C8orf34: variants seen among roughly 807,000 people sequenced by gnomAD.
The protein encoded by C8orf34 is chromosome 8 open reading frame 34.
Under a neutral mutation model 68.3 loss-of-function variants are expected in C8orf34, and 65 were observed. The observed-to-expected ratio is 0.95, with a 90% CI of 0.78 to 1.17. C8orf34 has a LOEUF of 1.17. Ranked by LOEUF, C8orf34 falls within the 50% of genes most tolerant of loss-of-function variation. The pLI is 0.00. For synonymous variants in C8orf34, 244 were observed against 241.2 expected, an observed-to-expected ratio of 1.01 and a Z score of -0.11; for missense variants, 664 against 655.4, an observed-to-expected ratio of 1.01 and a Z score of -0.14.
chr8:68,714,325 G>A (rs979202682), intron 9 of C8orf34, among the ~76,000 whole-genome samples: 1 of 151,846 alleles, frequency 6.6e-6, no homozygotes, highest in African/African-American at 2.4e-5. Context: ...GGCATCCAGA[G>A]GAAGTCAAAC....
intron 12 of C8orf34, among the ~76,000 whole-genome samples, chr8:68,798,431 A>T (rs571146251): frequency 2.6e-5 from 4 of 151,944 alleles, no homozygotes; most frequent in African/African-American, 9.7e-5. Flanking sequence ...CATTTTCAAC[A>T]TATTATGAGC....
chr8:68,441,987 G>A (rs1810928303), intron 2 of C8orf34, among the ~76,000 whole-genome samples: 1 of 152,094 alleles, frequency 6.6e-6, no homozygotes, highest in African/African-American at 2.4e-5. Context: ...AAAGCTTTGG[G>A]GATGGGTCAA....
chr8:68,443,349 A>G (rs1053356945), intron 2 of C8orf34, among the ~76,000 whole-genome samples: 2 of 152,154 alleles, frequency 1.3e-5, no homozygotes, highest in Non-Finnish European at 2.9e-5. Context: ...AATAATGCCA[A>G]TTTAAACCCT....
At chr8:68,752,381 C>T (rs1344562391) in intron 10 of C8orf34, among the ~76,000 whole-genome samples, 2 of 152,180 alleles carry the variant, frequency 1.3e-5, no homozygotes, top group Non-Finnish European at 2.9e-5. Flanking sequence ...TCCCTTTGAC[C>T]TGGTTCTACT....
At chr8:68,330,884 C>T (rs557508106), upstream of C8orf34, 6 of 781,534 alleles carry the variant, frequency 7.7e-6, no homozygotes, top group South Asian at 4.7e-5. Context: ...CTCGACACAG[C>T]TCGCCTCCCG....
rs1293167664 is a variant in C8orf34 at position 68,461,793 on chromosome 8, A to G, written c.608-6899A>G. 3.9e-5 allele frequency among the ~76,000 whole-genome samples: 6 copies of G among 152,306 alleles called. No individual in the cohort carries two copies. The East Asian group carries it at 7.7e-4, about 20-fold the overall frequency. On this transcript the variant is annotated intron_variant, in intron 3 of 13. Transcript: ENST00000518698. ...CCCTACAAGAGCTCCTGAAGGAAGC[A>G]CTAAACATGGAAAGGAACAACCAGT...
At chr8:68,717,283 G>A (rs1261963260) in intron 9 of C8orf34, among the ~76,000 whole-genome samples, 2 of 152,100 alleles carry the variant, frequency 1.3e-5, no homozygotes, top group African/African-American at 4.8e-5. Flanking sequence ...TTAAAGACAG[G>A]AGTTGTCTCC....
At chr8:68,564,142 A>G (rs1020266488) in intron 7 of C8orf34, among the ~76,000 whole-genome samples, 1 of 152,240 alleles carries the variant, frequency 6.6e-6, no homozygotes, top group Non-Finnish European at 1.5e-5. Flanking sequence ...TGCTAACATG[A>G]TAAAAATGCC....
intron 1 of C8orf34, among the ~76,000 whole-genome samples, chr8:68,349,341 G>C (rs1002776548): frequency 6.6e-6 from 1 of 151,994 alleles, no homozygotes; most frequent in Non-Finnish European, 1.5e-5. Context: ...GATCATGGTG[G>C]ATTAGACTTT....
chr8:68,685,151 C>G (rs1820477411), intron 8 of C8orf34, among the ~76,000 whole-genome samples: 1 of 152,050 alleles, frequency 6.6e-6, no homozygotes, highest in African/African-American at 2.4e-5. Flanking sequence ...GTACTTAATG[C>G]TTGAACCTAT....
intron 12 of C8orf34, among the ~76,000 whole-genome samples, chr8:68,809,470 T>C (rs1434395599): frequency 6.7e-6 from 1 of 150,120 alleles, no homozygotes; most frequent in Non-Finnish European, 1.5e-5. Flanking sequence ...TCTTAGGTGC[T>C]CTCCCAAGCT....
At chr8:68,611,580 T>G (rs1434059141) in intron 7 of C8orf34, among the ~76,000 whole-genome samples, 1 of 152,160 alleles carries the variant, frequency 6.6e-6, no homozygotes, top group Non-Finnish European at 1.5e-5. Context: ...AACCACTCCT[T>G]GTAGTTGCTA....
At chr8:68,557,062 T>C (rs919147677) in intron 7 of C8orf34, among the ~76,000 whole-genome samples, 1 of 152,182 alleles carries the variant, frequency 6.6e-6, no homozygotes, top group African/African-American at 2.4e-5. Flanking sequence ...AGTGAAAATA[T>C]ATGTATTTTA....
intron 7 of C8orf34, among the ~76,000 whole-genome samples, chr8:68,583,988 A>G (rs1817137986): frequency 6.6e-6 from 1 of 152,136 alleles, no homozygotes; most frequent in South Asian, 2.1e-4. Flanking sequence ...TTATATCTAT[A>G]TATGTTATCT....
intron 8 of C8orf34, among the ~76,000 whole-genome samples, chr8:68,673,758 A>T (rs574580204): frequency 3.8e-4 from 58 of 152,230 alleles, no homozygotes; most frequent in African/African-American, 1.4e-3. Flanking sequence ...CCATCTGTTG[A>T]TTATAGAGCC....
At chr8:68,643,808 C>A (rs1819085923) in intron 8 of C8orf34, among the ~76,000 whole-genome samples, 1 of 152,072 alleles carries the variant, frequency 6.6e-6, no homozygotes. Flanking sequence ...AATTAGTTAC[C>A]AATTTCACAT....
At chr8:68,779,153 C>G (rs537531981) in intron 11 of C8orf34, among the ~76,000 whole-genome samples, 1 of 147,524 alleles carries the variant, frequency 6.8e-6, no homozygotes, top group African/African-American at 2.5e-5. Flanking sequence ...CTCCAGCCTG[C>G]GTGACAGTAT....
rs376713627 is a variant in C8orf34 at position 68,393,904 on chromosome 8, AG to A, written c.328-45591del. 2.1e-3 allele frequency among the ~76,000 whole-genome samples: 314 copies of A among 152,188 alleles called. 2 individuals carry two copies. The highest frequency in any genetic ancestry group is 1.2e-3 in the East Asian group (6 of 5,166). ...TGTTAGCAGGGCCTTACAGTAATCT[AG>A]GGGAGAGATGATGGTGGCTGAGACC... On this transcript the variant is annotated intron_variant, in intron 1 of 13. Transcript: ENST00000518698.
intron 7 of C8orf34, among the ~76,000 whole-genome samples, chr8:68,595,443 G>A (rs1357166172): frequency 2.0e-5 from 3 of 152,022 alleles, no homozygotes; most frequent in African/African-American, 7.2e-5. Context: ...AAAGTCTGAT[G>A]TTGTTTTGGT....
Sources: allele counts gnomAD v4.1 joint callset (sites outside exome capture counted in the v4.1 genomes callset), GRCh38; gene constraint gnomAD v4.1.1; transcripts MANE v1.5; gene names NCBI Gene and HGNC (gene_info 2026-07-23, HGNC 2026-07-21).